The following STAB2 variants were observed in gnomAD, a reference collection of about 807,000 sequenced individuals.
STAB2 encodes the protein stabilin 2, also known as stabilin-2.
Under a neutral mutation model 338.1 loss-of-function variants are expected in STAB2, and 288 were observed. The observed-to-expected ratio is 0.85, with a 90% CI of 0.77 to 0.94. STAB2 has a LOEUF of 0.94. STAB2 is among the 40% of genes least tolerant of loss of function. The probability of loss-of-function intolerance (pLI) is 0.00; values close to 1 mark genes in which losing one functional copy is unlikely to be tolerated. For missense variants in STAB2, 3,141 were observed against 3,210.1 expected (o/e 0.98, Z 0.52); for synonymous variants, 1,202 against 1,193.3 (o/e 1.01, Z -0.15).
chr12:103,714,329 G>A (rs1273221535), intron 42 of STAB2, among the ~76,000 whole-genome samples: 5 of 152,098 alleles, frequency 3.3e-5, no homozygotes, highest in African/African-American at 1.2e-4. Context: ...TGTTTAGTTA[G>A]AAAAAAATTG....
chr12:103,734,608 C>T (rs1255680792), intron 51 of STAB2, among the ~76,000 whole-genome samples: 1 of 152,210 alleles, frequency 6.6e-6, no homozygotes, highest in East Asian at 1.9e-4. Flanking sequence ...ATGTTTCTCT[C>T]CAGGACCAAG....
rs777599355 is a variant in STAB2, at chr12:103,763,553, C to G, written c.7550C>G (p.Pro2517Arg). 6.2e-7 allele frequency: 1 copy of G among 1,614,070 alleles called. No individual in the cohort carries two copies. Among genetic ancestry groups the G allele is most frequent in the Non-Finnish European group, 8.5e-7 (1 of 1,179,982 alleles). The change falls in exon 68 of 69, where the codon CCC (proline) becomes CGC (arginine). Residue 2517 changes from proline to arginine, a missense_variant. Pro to Arg is a moderately radical substitution (Grantham distance 103). Coordinates refer to ENST00000388887, the MANE Select transcript of STAB2 (RefSeq NM_017564.10). ...CAGCAGCCTGAGAATATCTCGAACC[C>G]CTTGTATGAGAGCACAACCTCAGCT... Reference protein sequence around the residue: ...GKQQPENISNPLYESTTSAPP... With the variant: ...GKQQPENISNRLYESTTSAPP...
intron 3 of STAB2, among the ~76,000 whole-genome samples, 159 bp from the exon 4 acceptor site, chr12:103,620,309 A>G (rs1957277928): frequency 1.6e-5 from 2 of 122,514 alleles, no homozygotes; most frequent in Admixed American, 1.6e-4. Context: ...ACCTGTGTTT[A>G]CTCCTGCCTT....
Position 103,617,612 on chromosome 12 carries a change from G to T in STAB2, c.332-2856G>T, listed in dbSNP as rs560342188. Among the ~76,000 whole-genome samples the T allele has an allele frequency of 4.6e-5, 7 of 152,344 alleles. No individual in the cohort carries two copies. In the East Asian group the frequency reaches 1.3e-3, roughly 29 times the overall value. On this transcript the variant is annotated intron_variant, in intron 3 of 68. Transcript: ENST00000388887. ...ACTGCAATGTCCCAGCTCCTCCCAT[G>T]ACACAATCGCATCGCATTTCATGCC...
At chr12:103,615,430 C>A (rs564506657) in intron 3 of STAB2, among the ~76,000 whole-genome samples, 1 of 152,094 alleles carries the variant, frequency 6.6e-6, no homozygotes, top group Non-Finnish European at 1.5e-5. Context: ...AGTCCTCTAG[C>A]CAAAATCACC....
Position 103,669,609 on chromosome 12 carries a change from A to G in STAB2, c.2241A>G (p.Pro747=), listed in dbSNP as rs1449420654. Residue 747 remains proline (P), a synonymous_variant, in exon 21 of 69, where the codon CCA becomes CCG. Coordinates refer to ENST00000388887, the MANE Select transcript of STAB2 (RefSeq NM_017564.10). The part of the protein sequence containing the change: ...CNQCPGGFSN[P]CSGNGQCADS... ...AGTGTCCAGGAGGCTTCTCAAATCC[A>G]TGCTCAGGAAATGGACAGGTGAATA... 6.2e-7 allele frequency: 1 copy of G among 1,614,200 alleles called. No homozygotes were observed. Among genetic ancestry groups the G allele is most frequent in the Admixed American group, 1.7e-5 (1 of 60,030 alleles).
intron 63 of STAB2, 78 bp downstream of exon 63, chr12:103,755,796 A>C: frequency 6.0e-6 from 8 of 1,342,554 alleles, no homozygotes; most frequent in Non-Finnish European, 8.5e-6. Context: ...GTGAGGCCTT[A>C]AGCTGAAGGC....
intron 9 of STAB2, among the ~76,000 whole-genome samples, chr12:103,645,746 G>A (rs2138712167): frequency 6.6e-6 from 1 of 152,188 alleles, no homozygotes; most frequent in South Asian, 2.1e-4. Context: ...CTTATAAAAA[G>A]GTTTCTCAGC....
At position 103,650,552 on chromosome 12, in the gene STAB2, A is replaced by G. The variant is rs141504093; in HGVS notation, c.1231A>G (p.Thr411Ala). The G allele has an allele frequency of 2.3e-3, 3,730 of 1,613,190 alleles. 10 individuals carry two copies. Among genetic ancestry groups the G allele is most frequent in the Non-Finnish European group, 2.9e-3 (3,432 of 1,179,278 alleles). ...KLGPFTVLLPTDKGLKGFNVN... is the reference protein window; with the variant it reads ...KLGPFTVLLPADKGLKGFNVN... Reference sequence around the variant, plus strand: ...GGGACCCTTCACGGTGCTGTTACCTACAGACAAGGGACTGAAAGGATTCAA... The same window carrying G: ...GGGACCCTTCACGGTGCTGTTACCTGCAGACAAGGGACTGAAAGGATTCAA... The change falls in exon 11 of 69, where the codon ACA becomes GCA. Residue 411 changes from threonine (T) to alanine (A), a missense_variant. Thr to Ala is a moderately conservative substitution (Grantham distance 58). Transcript: ENST00000388887.
At position 103,620,471 on chromosome 12, in the gene STAB2, G is replaced by T. The variant is rs1431010585; in HGVS notation, c.335G>T (p.Cys112Phe). Residue 112 changes from cysteine to phenylalanine, a missense_variant, in exon 4 of 69, where the codon TGC becomes TTC. Coordinates refer to ENST00000388887, the MANE Select transcript of STAB2 (RefSeq NM_017564.10). ...TCTGAGCTGTTTGATTCCCTAGAGT[G>T]CCCAGGTGGAGCGGGGTCACCCTGC... is the stretch of plus-strand genomic sequence containing the variant. ...PGRWGPDCIE[C>F]PGGAGSPCNG... The T allele has an allele frequency of 1.3e-6, 2 of 1,579,778 alleles. No homozygotes were observed. The highest frequency in any genetic ancestry group is 1.7e-6 in the Non-Finnish European group (2 of 1,161,390).
chr12:103,597,332 G>C (rs984895124), intron 3 of STAB2, among the ~76,000 whole-genome samples: 1 of 152,194 alleles, frequency 6.6e-6, no homozygotes, highest in African/African-American at 2.4e-5. Flanking sequence ...ACATTCCCAA[G>C]CTCCAGAATG....
rs576111268 is a variant in STAB2 at position 103,709,521 on chromosome 12, C to T, written c.4288+985C>T. On this transcript the variant is annotated intron_variant, in intron 39 of 68. Coordinates refer to ENST00000388887, the MANE Select transcript of STAB2 (RefSeq NM_017564.10). ...CAGGTATCAGAGACTCCCCCTCTTC[C>T]GGGTTGGGAGCTGGGGAGGAGATCA... 4.6e-5 allele frequency among the ~76,000 whole-genome samples: 7 copies of T among 152,280 alleles called. No individual in the cohort carries two copies. In the East Asian group the frequency reaches 1.3e-3, roughly 29 times the overall value.
Position 103,594,476 on chromosome 12 carries a change from GTGT to G in STAB2, c.301_303del (p.Cys101del). 6.2e-7 allele frequency: 1 copy of G among 1,613,960 alleles called. No individual in the cohort carries two copies. The highest frequency in any genetic ancestry group is 8.5e-7 in the Non-Finnish European group (1 of 1,179,858). On this transcript the variant is annotated inframe_deletion, in exon 3 of 69. Coordinates refer to ENST00000388887, the MANE Select transcript of STAB2 (RefSeq NM_017564.10). ...GTAGGAAGGACTATCTCCAACCTCG[GTGT>G]TGTCCTGGCCGCTGGGGCCCAGACT...
At chr12:103,757,087 T>C (rs1217428919) in intron 63 of STAB2, among the ~76,000 whole-genome samples, 1 of 149,698 alleles carries the variant, frequency 6.7e-6, no homozygotes, top group African/African-American at 2.4e-5. Context: ...TATTTATATA[T>C]ATTTTGTTTG....
At chr12:103,748,789 T>C (rs1166735852) in intron 58 of STAB2, among the ~76,000 whole-genome samples, 174 bp from the exon 59 acceptor site, 2 of 151,988 alleles carry the variant, frequency 1.3e-5, no homozygotes, top group African/African-American at 4.8e-5. Context: ...CACAAAAATA[T>C]TCATGTTGCA....
intron 56 of STAB2, among the ~76,000 whole-genome samples, chr12:103,744,326 A>AT (rs749369448): frequency 1.6e-4 from 25 of 151,544 alleles, no homozygotes; most frequent in African/African-American, 5.1e-4. Flanking sequence ...TATTTTTTAA[A>AT]TTTTTTGTAG....
intron 25 of STAB2, among the ~76,000 whole-genome samples, chr12:103,680,055 G>A (rs1593225472): frequency 6.6e-6 from 1 of 152,206 alleles, no homozygotes; most frequent in Non-Finnish European, 1.5e-5. Flanking sequence ...TGATTCCACT[G>A]CTCTGAGGTT....
At chr12:103,617,651 T>C (rs771138540) in intron 3 of STAB2, among the ~76,000 whole-genome samples, 1 of 152,234 alleles carries the variant, frequency 6.6e-6, no homozygotes, top group Non-Finnish European at 1.5e-5. Flanking sequence ...ACTAGCCTAG[T>C]TGGTGAGAGC....
intron 9 of STAB2, among the ~76,000 whole-genome samples, chr12:103,642,573 G>T (rs10861065): frequency 0.2 from 30,700 of 152,134 alleles, 3,430 homozygotes; most frequent in South Asian, 0.41. Flanking sequence ...GATGGATCTA[G>T]TTTTAAATCC....
Sources: allele counts gnomAD v4.1 joint callset (sites outside exome capture counted in the v4.1 genomes callset), GRCh38; gene constraint gnomAD v4.1.1; transcripts MANE v1.5; gene names NCBI Gene and HGNC (gene_info 2026-07-23, HGNC 2026-07-21).